The following ARHGAP12 variants were observed in gnomAD, a reference collection of about 807,000 sequenced individuals.
The protein encoded by ARHGAP12 is rho GTPase-activating protein 12.
In ARHGAP12, 64 loss-of-function variants were observed where a neutral mutation model predicts 108.6. The observed-to-expected ratio is 0.59, with a 90% CI of 0.48 to 0.73. ARHGAP12 has a LOEUF of 0.73. ARHGAP12 is among the 30% of genes least tolerant of loss of function. ARHGAP12 has a pLI of 0.00. For missense variants in ARHGAP12, 940 were observed against 1,005.9 expected (o/e 0.93, Z 0.89); for synonymous variants, 312 against 337.2 (o/e 0.93, Z 0.82).
intron 13 of ARHGAP12, among the ~76,000 whole-genome samples, chr10:31,815,785 C>T (rs527669476): frequency 1.3e-5 from 2 of 151,964 alleles, no homozygotes; most frequent in Admixed American, 6.5e-5. Flanking sequence ...AGTTCTTGCA[C>T]CTCTTGCTAC....
At chr10:31,877,092 AAAT>A (rs1421657699) in intron 3 of ARHGAP12, among the ~76,000 whole-genome samples, 1 of 152,236 alleles carries the variant, frequency 6.6e-6, no homozygotes, top group Non-Finnish European at 1.5e-5. Context: ...TCAAACAGGC[AAAT>A]GAGAAAAATC....
At chr10:31,913,776 G>T (rs2797402) in intron 1 of ARHGAP12, 68,436 of 146,300 alleles carry the variant, frequency 0.47, 15,932 homozygotes, top group Admixed American at 0.51. Flanking sequence ...TTCTAGCAGG[G>T]TTTTTTTTTT....
intron 3 of ARHGAP12, among the ~76,000 whole-genome samples, chr10:31,889,148 G>C (rs1468178615): frequency 2.0e-5 from 3 of 152,220 alleles, no homozygotes; most frequent in African/African-American, 7.2e-5. Flanking sequence ...CTGACCTCAA[G>C]TGATCCGCCC....
At chr10:31,905,470 G>C (rs1458496576) in intron 3 of ARHGAP12, among the ~76,000 whole-genome samples, 1 of 152,178 alleles carries the variant, frequency 6.6e-6, no homozygotes, top group East Asian at 1.9e-4. Context: ...GGTGGAGCCA[G>C]AAACCACACT....
At chr10:31,851,335 G>C (rs1276525035) in intron 6 of ARHGAP12, among the ~76,000 whole-genome samples, 1 of 152,150 alleles carries the variant, frequency 6.6e-6, no homozygotes, top group African/African-American at 2.4e-5. Context: ...CTTATCTGAA[G>C]ATGTGACAAG....
intron 1 of ARHGAP12, among the ~76,000 whole-genome samples, chr10:31,914,038 T>C (rs2132473129): frequency 6.6e-6 from 1 of 152,338 alleles, no homozygotes; most frequent in South Asian, 2.1e-4. Flanking sequence ...TCAGTTGTTG[T>C]CTCTATGCAG....
At chr10:31,870,948 T>C (rs1049778667) in intron 3 of ARHGAP12, among the ~76,000 whole-genome samples, 2 of 152,204 alleles carry the variant, frequency 1.3e-5, no homozygotes, top group Admixed American at 6.5e-5. Flanking sequence ...TAGATGAAAA[T>C]AGGACAGTCC....
At chr10:31,853,061 G>T (rs184233608) in intron 5 of ARHGAP12, among the ~76,000 whole-genome samples, 2 of 152,230 alleles carry the variant, frequency 1.3e-5, no homozygotes, top group East Asian at 3.9e-4. Flanking sequence ...TATACTAAAA[G>T]CCTTGCATTT....
chr10:31,852,765 T>G (rs1156384602), intron 5 of ARHGAP12, among the ~76,000 whole-genome samples, 168 bp from the exon 6 acceptor site: 3 of 129,700 alleles, frequency 2.3e-5, no homozygotes, highest in Middle Eastern at 4.9e-3. Context: ...GAGCCCAGGC[T>G]GGAGTGCAAT....
At chr10:31,856,412 G>A (rs1238502650) in intron 4 of ARHGAP12, among the ~76,000 whole-genome samples, 2 of 152,066 alleles carry the variant, frequency 1.3e-5, no homozygotes, top group Non-Finnish European at 2.9e-5. Flanking sequence ...CCACAATACA[G>A]AGCTGGAAAC....
intron 1 of ARHGAP12, among the ~76,000 whole-genome samples, chr10:31,928,386 G>A (rs1425565415): frequency 4.0e-5 from 6 of 151,896 alleles, no homozygotes; most frequent in African/African-American, 1.4e-4. Context: ...GGAAACCCAG[G>A]GGGCAGAGAA....
chr10:31,926,511 A>G (rs1184426300), intron 1 of ARHGAP12, among the ~76,000 whole-genome samples: 1 of 152,258 alleles, frequency 6.6e-6, no homozygotes, highest in Non-Finnish European at 1.5e-5. Flanking sequence ...TAAATACAGG[A>G]CAAAAGTTTA....
At chr10:31,854,627 G>A (rs1468048421) in intron 4 of ARHGAP12, among the ~76,000 whole-genome samples, 2 of 152,138 alleles carry the variant, frequency 1.3e-5, no homozygotes, top group African/African-American at 4.8e-5. Flanking sequence ...CAAGCATATA[G>A]CCACATGCAA....
intron 1 of ARHGAP12, among the ~76,000 whole-genome samples, chr10:31,919,791 CA>C (rs1007502598): frequency 2.4e-4 from 30 of 122,724 alleles, no homozygotes; most frequent in East Asian, 5.0e-4. Flanking sequence ...GACTCCATTT[CA>C]AAAAAAAAAA....
intron 4 of ARHGAP12, among the ~76,000 whole-genome samples, chr10:31,860,336 T>C (rs1041025370): frequency 1.3e-5 from 2 of 152,226 alleles, no homozygotes; most frequent in African/African-American, 4.8e-5. Flanking sequence ...CCGGATGTCC[T>C]ATGCAGGTGG....
intron 3 of ARHGAP12, among the ~76,000 whole-genome samples, chr10:31,889,101 A>G (rs1185020368): frequency 2.0e-5 from 3 of 152,172 alleles, no homozygotes; most frequent in African/African-American, 7.2e-5. Flanking sequence ...TAGTAGAGAC[A>G]GGGTTTCGCC....
chr10:31,805,972 C>G lies in ARHGAP12; in HGVS notation c.*1686G>C, dbSNP rs1312890012. ...AACAACAAATACAGACTTTCTACCA[C>G]AAAATTCAGGTGAGAGGTTTTTAGA... On this transcript the variant is annotated 3_prime_UTR_variant, in exon 20 of 20. Coordinates refer to ENST00000344936, the MANE Select transcript of ARHGAP12 (RefSeq NM_018287.7). 3 of 152,026 alleles carry G rather than the reference C, an allele frequency of 2.0e-5. No homozygotes were observed. Among genetic ancestry groups the G allele is most frequent in the Non-Finnish European group, 2.9e-5 (2 of 67,996 alleles). The allele number at this position is 152,026 out of a possible 1,614,324, so 9.4% of individuals were successfully genotyped here. A position where few individuals can be genotyped will look rare whatever the true frequency, so the allele number is the denominator to read the frequency against.
chr10:31,809,217 A>G lies in ARHGAP12; in HGVS notation c.2128+13T>C. The G allele has an allele frequency of 6.2e-7, 1 of 1,613,790 alleles. No individual in the cohort carries two copies. ...GTGATGCATCTGAATAACAACAGTA[A>G]ATATAATCTTACCATGATTGACTGC... is the stretch of plus-strand genomic sequence containing the variant. On this transcript the variant is annotated intron_variant, in intron 17 of 19. Coordinates refer to ENST00000344936, the MANE Select transcript of ARHGAP12 (RefSeq NM_018287.7).
intron 1 of ARHGAP12, among the ~76,000 whole-genome samples, chr10:31,915,679 A>T (rs1463537298): frequency 6.6e-6 from 1 of 152,212 alleles, no homozygotes; most frequent in African/African-American, 2.4e-5. Context: ...ATATACTTCA[A>T]AAACTATATT....
Sources: gnomAD v4.1 joint callset for allele counts (sites outside exome capture counted in the v4.1 genomes callset) on GRCh38, gnomAD v4.1.1 for gene constraint, MANE v1.5 for transcripts, NCBI Gene and HGNC (gene_info 2026-07-23, HGNC 2026-07-21) for gene names.